The following USP25 variants were observed in gnomAD, a reference collection of about 807,000 sequenced individuals.
The protein encoded by USP25 is ubiquitin specific peptidase 25, also known as ubiquitin carboxyl-terminal hydrolase 25.
Under a neutral mutation model 158.5 loss-of-function variants are expected in USP25, and 85 were observed. The ratio of observed to expected loss-of-function variants is 0.54; its 90% CI spans 0.45 to 0.64. The LOEUF is 0.64. USP25 is among the 30% of genes least tolerant of loss of function. The pLI, the probability that USP25 is intolerant of heterozygous loss-of-function variation, is 0.00. For synonymous variants in USP25, 464 were observed against 460.4 expected (o/e 1.01, Z -0.10); for missense variants, 1,242 against 1,327.3 (o/e 0.94, Z 1.00).
At chr21:15,824,876 A>T in intron 11 of USP25, 90 bp from the exon 12 acceptor site, 1 of 1,034,530 alleles carries the variant, frequency 9.7e-7, no homozygotes, top group Non-Finnish European at 1.5e-6. Context: ...TTGGCGTCCC[A>T]GAGTGGTAGG....
chr21:15,742,541 G>T (rs2123231399), intron 1 of USP25, among the ~76,000 whole-genome samples: 1 of 152,270 alleles, frequency 6.6e-6, no homozygotes, highest in African/African-American at 2.4e-5. Flanking sequence ...TTCGTGTGAG[G>T]CCTCTGGGCT....
rs370797917 is a variant in USP25 at position 15,833,507 on chromosome 21, C to T, written c.2153C>T (p.Ala718Val). The change falls in exon 17 of 26, where the codon GCG (alanine) becomes GTG (valine). Residue 718 changes from alanine (A) to valine (V), a missense_variant. Ala to Val is a moderately conservative substitution (Grantham distance 64). This residue lies in a region of USP25 where 608 missense variants were observed against 605.2 expected (regional missense o/e 1.00). Coordinates refer to ENST00000400183, the MANE Select transcript of USP25 (RefSeq NM_001283041.3). ...AQKALQEKLL[A>V]SQKLRESETS... is the part of the protein sequence containing the mutation. ...AAAGCTTTGCAGGAAAAGCTTTTAG[C>T]GTCTCAGAAATTGAGAGAGTCAGAG... is the stretch of plus-strand genomic sequence containing the variant. 3.7e-5 allele frequency: 59 copies of T among 1,613,898 alleles called. No homozygotes were observed. In the East Asian group the frequency reaches 4.7e-4, roughly 13 times the overall value.
At chr21:15,798,610 G>A (rs1458605671) in intron 5 of USP25, among the ~76,000 whole-genome samples, 2 of 151,092 alleles carry the variant, frequency 1.3e-5, no homozygotes, top group Admixed American at 1.3e-4. Flanking sequence ...CTTAGTGTCT[G>A]GCATATAGTA....
chr21:15,747,832 G>A (rs1339972418), intron 1 of USP25, among the ~76,000 whole-genome samples: 1 of 152,126 alleles, frequency 6.6e-6, no homozygotes, highest in South Asian at 2.1e-4. Flanking sequence ...TTGATCATTG[G>A]TAACTGAAAC....
chr21:15,870,088 G>C lies in USP25; in HGVS notation c.2826G>C (p.Arg942Ser). The change falls in exon 23 of 26, where the codon AGG becomes AGC. Residue 942 changes from arginine (R) to serine (S), a missense_variant. Physicochemically the swap from Arg to Ser is moderately radical, Grantham distance 110 (BLOSUM62 -1). Transcript: ENST00000400183. The part of the protein sequence containing the change: ...EEYEEWHQDY[R>S]KFRETTMYLI... ...TACAGGAGTGGCATCAGGATTATAG[G>C]AAATTCAGGGAAACAACTATGTATC... The C allele has an allele frequency of 6.2e-7, 1 of 1,609,106 alleles. No individual in the cohort carries two copies. Among genetic ancestry groups the C allele is most frequent in the South Asian group, 1.1e-5 (1 of 90,168 alleles).
chr21:15,776,436 T>C (rs1314947571), intron 3 of USP25, among the ~76,000 whole-genome samples: 4 of 152,090 alleles, frequency 2.6e-5, no homozygotes, highest in African/African-American at 9.7e-5. Flanking sequence ...TGGATAAAAA[T>C]AGAAGTAGAC....
At chr21:15,828,819 A>G (rs2037655299) in intron 14 of USP25, among the ~76,000 whole-genome samples, 1 of 152,032 alleles carries the variant, frequency 6.6e-6, no homozygotes, top group African/African-American at 2.4e-5. Context: ...TTGTATTTTT[A>G]GTAGAGATGG....
chr21:15,849,059 G>T (rs1339777372), intron 19 of USP25, among the ~76,000 whole-genome samples: 1 of 152,060 alleles, frequency 6.6e-6, no homozygotes, highest in African/African-American at 2.4e-5. Flanking sequence ...TTATAAACAT[G>T]CTGGCTCTTG....
chr21:15,784,917 G>C (rs918647569), intron 4 of USP25, among the ~76,000 whole-genome samples: 7 of 151,582 alleles, frequency 4.6e-5, no homozygotes, highest in African/African-American at 1.7e-4. Flanking sequence ...TAGTAACCTT[G>C]AATGTAAGTG....
Position 15,827,111 on chromosome 21 carries a change from A to T in USP25, c.1601A>T (p.His534Leu). The change falls in exon 14 of 26, where the codon CAT becomes CTT. Residue 534 changes from histidine (H) to leucine (L), a missense_variant. By Grantham distance (99) the His-to-Leu change is moderately conservative (BLOSUM62 -3). Around this residue, in one of 3 missense-constraint regions of USP25, gnomAD observed 627 missense variants for 701.4 expected, o/e 0.89. Coordinates refer to ENST00000400183, the MANE Select transcript of USP25 (RefSeq NM_001283041.3). Reference protein sequence around the residue: ...QSRIPPDLPMHPAPRHITEEE... With the variant: ...QSRIPPDLPMLPAPRHITEEE... The stretch of plus-strand genomic sequence containing the variant: ...CGGATACCTCCAGATTTGCCCATGC[A>T]TCCGGCACCAAGGCACATAACGGAG... 1 of 1,614,194 alleles carries T rather than the reference A, an allele frequency of 6.2e-7. No homozygotes were observed. The highest frequency in any genetic ancestry group is 8.5e-7 in the Non-Finnish European group (1 of 1,180,012).
chr21:15,786,734 C>G (rs2035296618), intron 4 of USP25, among the ~76,000 whole-genome samples: 1 of 152,026 alleles, frequency 6.6e-6, no homozygotes, highest in Non-Finnish European at 1.5e-5. Flanking sequence ...CCCACTTCCA[C>G]CAATCCTATT....
chr21:15,801,541 T>G (rs916745440), intron 6 of USP25, among the ~76,000 whole-genome samples: 2 of 151,602 alleles, frequency 1.3e-5, no homozygotes, highest in Admixed American at 6.6e-5. Context: ...ACACTATACC[T>G]TGACATCTTT....
At chr21:15,778,844 G>GGTTA in intron 4 of USP25, among the ~76,000 whole-genome samples, 1 of 152,194 alleles carries the variant, frequency 6.6e-6, no homozygotes, top group East Asian at 1.9e-4. Context: ...ACTTGCAAGA[G>GGTTA]GTTAAATGTG....
At chr21:15,795,688 G>A (rs1317937909) in intron 5 of USP25, among the ~76,000 whole-genome samples, 1 of 151,504 alleles carries the variant, frequency 6.6e-6, no homozygotes, top group Non-Finnish European at 1.5e-5. Context: ...TGATTTTTCT[G>A]AACCTGAGTC....
chr21:15,856,764 C>A (rs1016800602), intron 20 of USP25, among the ~76,000 whole-genome samples: 5 of 152,198 alleles, frequency 3.3e-5, no homozygotes, highest in African/African-American at 1.2e-4. Context: ...AGCCACCGCA[C>A]CCGGCCAGAA....
In USP25 at chr21:15,730,130, G is replaced by A. The variant is rs1261234705; in HGVS notation, c.-264G>A. On this transcript the variant is annotated 5_prime_UTR_variant, in exon 1 of 26. Transcript: ENST00000400183. ...CGTCCTCCGCCCGCTCATGGCCCGG[G>A]CCGCCGCGGACGAGCGGCGCTGAGG... is the stretch of plus-strand genomic sequence containing the variant. The A allele has an allele frequency of 1.2e-5, 2 of 165,956 alleles. No individual in the cohort carries two copies. Among genetic ancestry groups the A allele is most frequent in the Admixed American group, 1.3e-4 (2 of 15,212 alleles). 10.3% of individuals were successfully genotyped at this position (165,956 alleles called of 1,614,324 possible).
chr21:15,866,200 C>A, intron 21 of USP25, 66 bp from the exon 22 acceptor site: 2 of 947,240 alleles, frequency 2.1e-6, no homozygotes, highest in East Asian at 3.5e-5. Flanking sequence ...TTTTGATTTA[C>A]AAATATATAT....
In USP25 at chr21:15,879,721, T is replaced by C. The variant is rs968106156; in HGVS notation, c.*1246T>C. 1 of 152,612 alleles carries C rather than the reference T, an allele frequency of 6.6e-6. No individual in the cohort carries two copies. Among genetic ancestry groups the C allele is most frequent in the African/African-American group, 2.4e-5 (1 of 41,464 alleles). 9.5% of individuals were successfully genotyped at this position (152,612 alleles called of 1,614,324 possible). On this transcript the variant is annotated 3_prime_UTR_variant, in exon 26 of 26. Coordinates refer to ENST00000400183, the MANE Select transcript of USP25 (RefSeq NM_001283041.3). ...AATAGACCATTATACTATGTGTATG[T>C]TTGATACAGCGTCGCCAAAACTAGT...
Position 15,730,288 on chromosome 21 carries a change from C to G in USP25, c.-106C>G, listed in dbSNP as rs2030653271. 9.1e-6 allele frequency: 9 copies of G among 987,934 alleles called. No individual in the cohort carries two copies. Among genetic ancestry groups the G allele is most frequent in the South Asian group, 4.5e-5 (1 of 21,996 alleles). The allele number at this position is 987,934 out of a possible 1,614,324, so 61.2% of individuals were successfully genotyped here. On this transcript the variant is annotated 5_prime_UTR_variant, in exon 1 of 26. Transcript: ENST00000400183. ...TGGCGGGGGCGCTGTCCTCCCAGGC[C>G]GTCCGCGCCGCTCCCTGGAGCTCGG...
Sources: allele counts gnomAD v4.1 joint callset (sites outside exome capture counted in the v4.1 genomes callset), GRCh38; gene constraint gnomAD v4.1.1; regional missense constraint gnomAD v4.1.1; transcripts MANE v1.5; gene names NCBI Gene and HGNC (gene_info 2026-07-23, HGNC 2026-07-21).